AAMDC: variants seen among roughly 807,000 people sequenced by gnomAD.
The protein encoded by AAMDC is adipogenesis associated Mth938 domain containing.
Under a neutral mutation model 15.5 loss-of-function variants are expected in AAMDC, and 16 were observed. The ratio of observed to expected loss-of-function variants is 1.03; its 90% CI spans 0.70 to 1.57. The LOEUF (loss-of-function observed/expected upper bound fraction) is 1.57, where lower values mean the gene tolerates loss of function less well. AAMDC is among the 40% of genes most tolerant of loss of function. The probability of loss-of-function intolerance (pLI) is 0.00; values close to 1 mark genes in which losing one functional copy is unlikely to be tolerated. For synonymous variants in AAMDC, 51 were observed against 51.6 expected (o/e 0.99, Z 0.05); for missense variants, 141 against 144.9 (o/e 0.97, Z 0.14).
chr11:77,823,087 G>A (rs941362065), intron 1 of AAMDC, among the ~76,000 whole-genome samples: 1 of 151,652 alleles, frequency 6.6e-6, no homozygotes, highest in Non-Finnish European at 1.5e-5. Flanking sequence ...GGTGGCGGCG[G>A]GCCCCTGTAG....
chr11:77,901,266 G>A (rs1285992701), downstream of AAMDC: 3 of 822,750 alleles, frequency 3.6e-6, no homozygotes, highest in Non-Finnish European at 4.1e-6. Flanking sequence ...AACAGAATTT[G>A]TAATATCTGA....
At chr11:77,896,652 CAA>C (rs58549095) in intron 5 of AAMDC, among the ~76,000 whole-genome samples, 19,570 of 70,316 alleles carry the variant, frequency 0.28, 1,229 homozygotes, top group African/African-American at 0.37. Context: ...AACTCCGTCT[CAA>C]AAAAAAAAAA....
chr11:77,839,234 G>A (rs1003366567), intron 1 of AAMDC, among the ~76,000 whole-genome samples: 1 of 152,090 alleles, frequency 6.6e-6, no homozygotes, highest in African/African-American at 2.4e-5. Flanking sequence ...AAACTCATGG[G>A]CTCAAGTGAT....
chr11:77,897,420 G>T (rs906629036), intron 5 of AAMDC, among the ~76,000 whole-genome samples: 6 of 151,136 alleles, frequency 4.0e-5, no homozygotes, highest in African/African-American at 1.2e-4. Flanking sequence ...AACTTTAAAA[G>T]ATTATATTTA....
chr11:77,861,846 A>G (rs988054999), intron 2 of AAMDC, among the ~76,000 whole-genome samples: 6 of 152,060 alleles, frequency 3.9e-5, no homozygotes, highest in Non-Finnish European at 8.8e-5. Flanking sequence ...TCTATTACAA[A>G]AAACCAAGGT....
chr11:77,848,909 T>C (rs770891684), intron 2 of AAMDC, among the ~76,000 whole-genome samples: 13 of 152,240 alleles, frequency 8.5e-5, no homozygotes, highest in South Asian at 2.1e-4. Flanking sequence ...CCTGCTCTTA[T>C]CATCCCAACT....
intron 1 of AAMDC, among the ~76,000 whole-genome samples, chr11:77,826,254 C>T (rs1025744604): frequency 2.0e-5 from 3 of 151,454 alleles, no homozygotes; most frequent in South Asian, 2.1e-4. Context: ...CCCAGCTACT[C>T]GGGAGGCTGA....
intron 2 of AAMDC, among the ~76,000 whole-genome samples, chr11:77,858,217 C>G (rs957480339): frequency 5.2e-5 from 7 of 134,426 alleles, no homozygotes; most frequent in Middle Eastern, 4.1e-3. Context: ...TTTTTTGAGA[C>G]AGACTCTTGC....
At chr11:77,880,329 T>G (rs1326633011) in intron 5 of AAMDC, among the ~76,000 whole-genome samples, 1 of 152,150 alleles carries the variant, frequency 6.6e-6, no homozygotes, top group Non-Finnish European at 1.5e-5. Context: ...ACTGGATTGC[T>G]GTCCTCCAGG....
intron 2 of AAMDC, among the ~76,000 whole-genome samples, chr11:77,868,290 C>G (rs1223603957): frequency 6.6e-6 from 1 of 151,132 alleles, no homozygotes; most frequent in Non-Finnish European, 1.5e-5. Flanking sequence ...CTCCTGACCT[C>G]GTGATCCACC....
At chr11:77,885,352 C>T (rs1349473532) in intron 5 of AAMDC, among the ~76,000 whole-genome samples, 1 of 151,006 alleles carries the variant, frequency 6.6e-6, no homozygotes, top group Non-Finnish European at 1.5e-5. Flanking sequence ...GTTGGGATTA[C>T]AGGCGTGAGC....
chr11:77,837,518 G>A (rs1391838144), intron 1 of AAMDC, among the ~76,000 whole-genome samples: 5 of 151,962 alleles, frequency 3.3e-5, no homozygotes, highest in Non-Finnish European at 7.4e-5. Flanking sequence ...GCAGTGGTGC[G>A]ATCTTGGCTC....
At chr11:77,822,430 A>AT (rs1948957423) in intron 1 of AAMDC, among the ~76,000 whole-genome samples, 1 of 151,518 alleles carries the variant, frequency 6.6e-6, no homozygotes, top group Non-Finnish European at 1.5e-5. Flanking sequence ...AAAAAAAAAA[A>AT]AAAAAGAATT....
chr11:77,872,260 A>G lies in AAMDC; in HGVS notation c.314A>G (p.Asn105Ser). The G allele has an allele frequency of 1.2e-6, 2 of 1,613,706 alleles. No individual in the cohort carries two copies. The highest frequency in any genetic ancestry group is 1.7e-6 in the Non-Finnish European group (2 of 1,179,812). Reference sequence around the variant, plus strand: ...ACAGAGCAGGCAGTGAAGGAGTATAATGCCTTGGTTGCCCAAGGGGTCAGG... The same window carrying G: ...ACAGAGCAGGCAGTGAAGGAGTATAGTGCCTTGGTTGCCCAAGGGGTCAGG... ...LQTEQAVKEY[N>S]ALVAQGVRVG... The change falls in exon 4 of 4, where the codon AAT becomes AGT. Residue 105 changes from asparagine to serine, a missense_variant. Transcript: ENST00000393427.
At chr11:77,872,881 G>T (rs550795463), downstream of AAMDC, among the ~76,000 whole-genome samples, 7 of 152,328 alleles carry the variant, frequency 4.6e-5, no homozygotes, top group African/African-American at 1.7e-4. Flanking sequence ...AACCCAAGAG[G>T]TAGAGGTTGC....
chr11:77,852,832 T>C (rs568513433), intron 2 of AAMDC, among the ~76,000 whole-genome samples: 1 of 152,346 alleles, frequency 6.6e-6, no homozygotes, highest in South Asian at 2.1e-4. Flanking sequence ...GTTCACTTAA[T>C]ATATACAGAA....
At chr11:77,881,813 C>T (rs1441239955) in intron 5 of AAMDC, among the ~76,000 whole-genome samples, 1 of 151,970 alleles carries the variant, frequency 6.6e-6, no homozygotes, top group Non-Finnish European at 1.5e-5. Flanking sequence ...CATCTGAAAC[C>T]AGTACGCACT....
chr11:77,884,253 C>T (rs1226920473), intron 5 of AAMDC, among the ~76,000 whole-genome samples: 1 of 152,154 alleles, frequency 6.6e-6, no homozygotes, highest in African/African-American at 2.4e-5. Context: ...TCTCAGGCAC[C>T]TTCACCAGAA....
chr11:77,857,194 G>A (rs1055170486), intron 2 of AAMDC, among the ~76,000 whole-genome samples: 5 of 152,110 alleles, frequency 3.3e-5, no homozygotes, highest in South Asian at 2.1e-4. Flanking sequence ...TAAGTGCCAC[G>A]GTAGATGAAC....
Sources: allele counts gnomAD v4.1 joint callset (sites outside exome capture counted in the v4.1 genomes callset), GRCh38; gene constraint gnomAD v4.1.1; transcripts MANE v1.5; gene names NCBI Gene and HGNC (gene_info 2026-07-23, HGNC 2026-07-21).